Variants in RBPMS observed in about 807,000 individuals in gnomAD.
RBPMS encodes the protein RNA binding protein, mRNA processing factor.
In RBPMS, 7 loss-of-function variants were observed where a neutral mutation model predicts 26.8. That is an observed-to-expected ratio of 0.26 (90% CI 0.15 to 0.49). RBPMS has a LOEUF of 0.49. Among genes scored for constraint, RBPMS ranks in the 20% least tolerant of loss-of-function variants. The pLI, the probability that RBPMS is intolerant of heterozygous loss-of-function variation, is 0.98. For synonymous variants in RBPMS, 96 were observed against 93.3 expected, an observed-to-expected ratio of 1.03 and a Z score of -0.17; for missense variants, 186 against 250.0, an observed-to-expected ratio of 0.74 and a Z score of 1.73.
chr8:30,419,950 T>C (rs1294829719), intron 1 of RBPMS, among the ~76,000 whole-genome samples: 1 of 152,108 alleles, frequency 6.6e-6, no homozygotes, highest in African/African-American at 2.4e-5. Flanking sequence ...ATAGGTCTGG[T>C]GCAGTGGCTC....
At chr8:30,526,377 G>A (rs552680922) in intron 5 of RBPMS, among the ~76,000 whole-genome samples, 2 of 151,578 alleles carry the variant, frequency 1.3e-5, no homozygotes, top group East Asian at 3.9e-4. Flanking sequence ...CTCTCCAAAT[G>A]TAGGTTAATT....
chr8:30,459,793 G>A (rs966836388), intron 1 of RBPMS, among the ~76,000 whole-genome samples: 1 of 152,142 alleles, frequency 6.6e-6, no homozygotes, highest in African/African-American at 2.4e-5. Context: ...AGATTAAATA[G>A]CTCAATAAAC....
intron 1 of RBPMS, chr8:30,445,131 G>A (rs1813585925): frequency 6.6e-6 from 1 of 152,020 alleles, no homozygotes; most frequent in African/African-American, 2.4e-5. Context: ...ATTTTATCCT[G>A]TGATCCATTA....
intron 1 of RBPMS, among the ~76,000 whole-genome samples, chr8:30,431,357 CTCTT>C (rs10655066): frequency 2.0e-5 from 3 of 148,232 alleles, no homozygotes; most frequent in South Asian, 2.2e-4. Context: ...TTTTTTCTTT[CTCTT>C]TCTTTCTTTC....
intron 1 of RBPMS, among the ~76,000 whole-genome samples, chr8:30,455,377 A>C (rs186020934): frequency 3.9e-4 from 59 of 152,162 alleles, no homozygotes; most frequent in African/African-American, 1.2e-3. Context: ...TACCTTGCCT[A>C]CTCTCAAGGA....
At chr8:30,536,204 C>T (rs1487523781) in intron 5 of RBPMS, among the ~76,000 whole-genome samples, 17 of 151,590 alleles carry the variant, frequency 1.1e-4, no homozygotes, top group Non-Finnish European at 5.9e-5. Context: ...CTCGGCTCAC[C>T]GCAACCTCCG....
chr8:30,491,065 A>C (rs1279235078), intron 4 of RBPMS, among the ~76,000 whole-genome samples: 2 of 152,116 alleles, frequency 1.3e-5, no homozygotes, highest in Non-Finnish European at 2.9e-5. Context: ...TTAAGGAGCA[A>C]ATTTACCCAC....
At chr8:30,533,003 C>T (rs1458875154) in intron 5 of RBPMS, among the ~76,000 whole-genome samples, 2 of 152,186 alleles carry the variant, frequency 1.3e-5, no homozygotes, top group South Asian at 4.1e-4. Context: ...AGCAGGTGCT[C>T]AGTGTTTGTT....
intron 1 of RBPMS, among the ~76,000 whole-genome samples, chr8:30,462,645 C>T (rs1816049754): frequency 6.6e-6 from 1 of 152,102 alleles, no homozygotes; most frequent in Admixed American, 6.5e-5. Context: ...CCAGGCTGGT[C>T]TCGAACTCCT....
At chr8:30,392,712 G>A (rs926063906) in intron 1 of RBPMS, among the ~76,000 whole-genome samples, 1 of 152,220 alleles carries the variant, frequency 6.6e-6, no homozygotes, top group Non-Finnish European at 1.5e-5. Context: ...ACTGTCAGAT[G>A]TGCGGGAGAG....
intron 6 of RBPMS, among the ~76,000 whole-genome samples, chr8:30,555,055 C>G (rs1465216381): frequency 6.6e-6 from 1 of 152,004 alleles, no homozygotes; most frequent in Admixed American, 6.6e-5. Context: ...TGTATTTAAT[C>G]CTCTGGGCCT....
chr8:30,570,274 G>A (rs2151099864), intron 8 of RBPMS, among the ~76,000 whole-genome samples: 1 of 152,308 alleles, frequency 6.6e-6, no homozygotes, highest in Middle Eastern at 3.4e-3. Context: ...AAATTCTAGT[G>A]TATGCTGAGC....
At chr8:30,474,743 C>T (rs754815994) in intron 1 of RBPMS, 36 bp from the exon 2 acceptor site, 12 of 1,277,100 alleles carry the variant, frequency 9.4e-6, no homozygotes, top group African/African-American at 2.9e-5. Flanking sequence ...CTGGAGTGTC[C>T]ACACCCTTGA....
At chr8:30,540,458 G>C (rs984407841) in intron 5 of RBPMS, among the ~76,000 whole-genome samples, 2 of 152,190 alleles carry the variant, frequency 1.3e-5, no homozygotes, top group African/African-American at 2.4e-5. Flanking sequence ...GTCTTACTCT[G>C]TTGCCCTGGC....
intron 1 of RBPMS, among the ~76,000 whole-genome samples, chr8:30,416,018 T>G (rs892014822): frequency 6.6e-6 from 1 of 152,196 alleles, no homozygotes; most frequent in Non-Finnish European, 1.5e-5. Flanking sequence ...ATGTGGGATT[T>G]TCAGAATTGG....
intron 8 of RBPMS, among the ~76,000 whole-genome samples, chr8:30,568,677 C>T (rs537898571): frequency 6.6e-6 from 1 of 152,186 alleles, no homozygotes; most frequent in African/African-American, 2.4e-5. Flanking sequence ...GAGCCTTATG[C>T]GTTCCCAACC....
intron 1 of RBPMS, among the ~76,000 whole-genome samples, chr8:30,472,818 G>A (rs1817278278): frequency 6.6e-6 from 1 of 152,182 alleles, no homozygotes; most frequent in Admixed American, 6.5e-5. Context: ...GCTCATGCCT[G>A]TAATCCCAGC....
intron 6 of RBPMS, chr8:30,555,909 C>G: frequency 1.2e-5 from 12 of 985,452 alleles, no homozygotes; most frequent in Non-Finnish European, 1.4e-5. Flanking sequence ...AGCTTGTTCC[C>G]CCCCACCGGG....
At chr8:30,449,707 T>C (rs1205714454) in intron 1 of RBPMS, among the ~76,000 whole-genome samples, 1 of 152,192 alleles carries the variant, frequency 6.6e-6, no homozygotes, top group Non-Finnish European at 1.5e-5. Context: ...AAGCAAGCAC[T>C]GTCACCTGTA....
Sources: allele counts gnomAD v4.1 joint callset (sites outside exome capture counted in the v4.1 genomes callset), GRCh38; gene constraint gnomAD v4.1.1; transcripts MANE v1.5; gene names NCBI Gene and HGNC (gene_info 2026-07-23, HGNC 2026-07-21).